Variants in CFAP299 observed in about 807,000 individuals in gnomAD.
CFAP299 encodes the protein cilia- and flagella-associated protein 299.
A neutral mutation model predicts 27.0 loss-of-function variants in CFAP299; 21 were observed. The observed-to-expected ratio is 0.78, with a 90% CI of 0.55 to 1.12. The LOEUF (loss-of-function observed/expected upper bound fraction) is 1.12, where lower values mean the gene tolerates loss of function less well. Among genes scored for constraint, CFAP299 ranks in the 50% most tolerant of loss-of-function variants. The pLI is 0.00. For synonymous variants in CFAP299, 104 were observed against 98.1 expected (o/e 1.06, Z -0.36); for missense variants, 310 against 276.6 (o/e 1.12, Z -0.86).
chr4:80,947,493 G>C (rs571971148), intron 5 of CFAP299, among the ~76,000 whole-genome samples: 1 of 152,188 alleles, frequency 6.6e-6, no homozygotes, highest in South Asian at 2.1e-4. Flanking sequence ...CTAGAAGATA[G>C]AGAGTTGTTG....
intron 2 of CFAP299, among the ~76,000 whole-genome samples, chr4:80,564,620 A>G (rs1311984556): frequency 6.6e-6 from 1 of 152,032 alleles, no homozygotes; most frequent in Admixed American, 6.6e-5. Flanking sequence ...ATGTGACAAG[A>G]ATGCACACTG....
chr4:80,462,438 C>G (rs890061912), intron 2 of CFAP299, among the ~76,000 whole-genome samples: 8 of 152,112 alleles, frequency 5.3e-5, no homozygotes, highest in African/African-American at 1.9e-4. Context: ...TCAACAAAGA[C>G]TTTGTAGTTA....
intron 3 of CFAP299, among the ~76,000 whole-genome samples, chr4:80,768,354 G>A (rs967575645): frequency 6.6e-6 from 1 of 152,100 alleles, no homozygotes; most frequent in African/African-American, 2.4e-5. Flanking sequence ...GACAGAGATT[G>A]TTCCACAACA....
intron 2 of CFAP299, among the ~76,000 whole-genome samples, chr4:80,410,873 T>C (rs1351156550): frequency 6.6e-6 from 1 of 152,118 alleles, no homozygotes; most frequent in African/African-American, 2.4e-5. Context: ...AGGAAGAAGT[T>C]GTACATATTT....
intron 2 of CFAP299, among the ~76,000 whole-genome samples, chr4:80,371,008 A>G (rs1281534002): frequency 6.6e-6 from 1 of 152,204 alleles, no homozygotes; most frequent in East Asian, 1.9e-4. Context: ...TTTTGCCTGG[A>G]CATCCAGGCT....
At chr4:80,855,976 T>G (rs1423665683) in intron 3 of CFAP299, among the ~76,000 whole-genome samples, 1 of 151,778 alleles carries the variant, frequency 6.6e-6, no homozygotes, top group Admixed American at 6.6e-5. Context: ...CCTGAGGAAT[T>G]GCCACACTGA....
intron 1 of CFAP299, among the ~76,000 whole-genome samples, chr4:80,348,987 A>C (rs750417234): frequency 6.6e-6 from 1 of 152,212 alleles, no homozygotes; most frequent in Non-Finnish European, 1.5e-5. Flanking sequence ...TTGATGAAAT[A>C]GTGATGAATT....
At chr4:80,487,309 C>T (rs550436388) in intron 2 of CFAP299, among the ~76,000 whole-genome samples, 52 of 152,298 alleles carry the variant, frequency 3.4e-4, no homozygotes, top group Non-Finnish European at 6.9e-4. Context: ...CACTGTATCA[C>T]TTCTCAGCAG....
intron 2 of CFAP299, among the ~76,000 whole-genome samples, chr4:80,553,745 A>T (rs1734647633): frequency 1.3e-5 from 2 of 152,144 alleles, no homozygotes; most frequent in African/African-American, 4.8e-5. Flanking sequence ...CATTTCTCAA[A>T]TGGTCAGTGA....
intron 3 of CFAP299, among the ~76,000 whole-genome samples, chr4:80,661,475 T>A (rs1200345589): frequency 6.6e-6 from 1 of 152,178 alleles, no homozygotes; most frequent in Non-Finnish European, 1.5e-5. Context: ...CTTACACCTG[T>A]CTTTACTGCA....
intron 3 of CFAP299, among the ~76,000 whole-genome samples, chr4:80,673,877 A>G (rs1719199374): frequency 1.5e-5 from 2 of 135,710 alleles, no homozygotes; most frequent in African/African-American, 2.8e-5. Context: ...TTTCCTTGGT[A>G]GATCTTCCTC....
At chr4:80,735,695 A>G (rs973949386) in intron 3 of CFAP299, among the ~76,000 whole-genome samples, 2 of 152,130 alleles carry the variant, frequency 1.3e-5, no homozygotes, top group Non-Finnish European at 2.9e-5. Flanking sequence ...CAAAATGATC[A>G]TATGGTTTTT....
intron 2 of CFAP299, among the ~76,000 whole-genome samples, chr4:80,493,453 G>A (rs557629368): frequency 2.3e-4 from 35 of 152,264 alleles, no homozygotes; most frequent in South Asian, 1.4e-3. Context: ...GTGCTTTGGC[G>A]GAGTCAGGGC....
chr4:80,378,285 A>T (rs141150870), intron 2 of CFAP299, among the ~76,000 whole-genome samples: 80 of 152,274 alleles, frequency 5.3e-4, no homozygotes, highest in African/African-American at 1.8e-3. Context: ...ACCTTTCATC[A>T]TGCAACTTTC....
chr4:80,684,273 T>TC (rs1049631445), intron 3 of CFAP299, among the ~76,000 whole-genome samples: 2 of 26,494 alleles, frequency 7.5e-5, no homozygotes, highest in African/African-American at 1.6e-4. Flanking sequence ...CTTCTTTTTT[T>TC]TGGGGGGGGG....
At chr4:80,922,353 A>G (rs1359940258) in intron 4 of CFAP299, among the ~76,000 whole-genome samples, 1 of 152,078 alleles carries the variant, frequency 6.6e-6, no homozygotes, top group Non-Finnish European at 1.5e-5. Flanking sequence ...ATACAAAGGT[A>G]AGAAAACAGG....
At chr4:80,379,931 T>G (rs985240938) in intron 2 of CFAP299, among the ~76,000 whole-genome samples, 1 of 152,146 alleles carries the variant, frequency 6.6e-6, no homozygotes, top group African/African-American at 2.4e-5. Flanking sequence ...TGCTTGATTG[T>G]GTTGTTCAGG....
intron 4 of CFAP299, among the ~76,000 whole-genome samples, chr4:80,898,325 C>T (rs1734714088): frequency 6.6e-6 from 1 of 152,018 alleles, no homozygotes; most frequent in Admixed American, 6.5e-5. Flanking sequence ...TGGCTATCCC[C>T]AGCCAGACTC....
In CFAP299 at chr4:80,473,615, A is replaced by G. The variant is rs116188034; in HGVS notation, c.243-109478A>G. On this transcript the variant is annotated intron_variant, in intron 2 of 5. Coordinates refer to ENST00000358105, the MANE Select transcript of CFAP299 (RefSeq NM_152770.3). The stretch of plus-strand genomic sequence containing the variant: ...AGACAGGATCTCACCTTGTTGCCCA[A>G]GCTGGAGTACAGTGGTGCGATCACA... 6.6e-3 allele frequency among the ~76,000 whole-genome samples: 999 copies of G among 152,126 alleles called. 25 individuals are homozygous for G. Among genetic ancestry groups the G allele is most frequent in the African/African-American group, 0.023 (961 of 41,514 alleles).
Sources: gnomAD v4.1 joint callset for allele counts (sites outside exome capture counted in the v4.1 genomes callset) on GRCh38, gnomAD v4.1.1 for gene constraint, MANE v1.5 for transcripts, NCBI Gene and HGNC (gene_info 2026-07-23, HGNC 2026-07-21) for gene names.